STK24: variants seen among roughly 807,000 people sequenced by gnomAD.
STK24 encodes serine/threonine kinase 24, also known as serine/threonine-protein kinase 24.
STK24 carries 21 observed loss-of-function variants against 55.6 expected under a neutral mutation model. The observed-to-expected ratio is 0.38, with a 90% CI of 0.27 to 0.54. The LOEUF is 0.54. Ranked by LOEUF, STK24 falls within the 20% of genes least tolerant of loss-of-function variation. The probability of loss-of-function intolerance (pLI) is 0.79; values close to 1 mark genes in which losing one functional copy is unlikely to be tolerated. For synonymous variants in STK24, 200 were observed against 215.2 expected (o/e 0.93, Z 0.62); for missense variants, 383 against 538.4 (o/e 0.71, Z 2.86).
At chr13:98,511,473 A>T (rs1282874250) in intron 2 of STK24, among the ~76,000 whole-genome samples, 1 of 152,192 alleles carries the variant, frequency 6.6e-6, no homozygotes, top group East Asian at 1.9e-4. Flanking sequence ...AAAATGAAAA[A>T]CTTATGTTCA....
intron 1 of STK24, among the ~76,000 whole-genome samples, chr13:98,572,550 C>T (rs371667530): frequency 2.6e-5 from 4 of 152,306 alleles, no homozygotes. Flanking sequence ...AGTGCACAGG[C>T]TTCCCTAGGG....
At position 98,494,965 on chromosome 13, in the gene STK24, G is replaced by A. The variant is rs7319500; in HGVS notation, c.274-12644C>T. On this transcript the variant is annotated intron_variant, in intron 2 of 10. Coordinates refer to ENST00000539966, the MANE Select transcript of STK24 (RefSeq NM_001032296.4). ...AGAAGGAACCACCACCAACGCCTCGGTGAAGATGACCCTGTGGCAGCACAT... is the reference window on the plus strand; with the variant it reads ...AGAAGGAACCACCACCAACGCCTCGATGAAGATGACCCTGTGGCAGCACAT... 7.4e-3 allele frequency among the ~76,000 whole-genome samples: 1,124 copies of A among 152,322 alleles called. 13 individuals carry two copies. The highest frequency in any genetic ancestry group is 0.025 in the African/African-American group (1,052 of 41,572).
intron 9 of STK24, among the ~76,000 whole-genome samples, chr13:98,457,895 T>C (rs947635597): frequency 1.3e-5 from 2 of 152,244 alleles, no homozygotes; most frequent in African/African-American, 4.8e-5. Flanking sequence ...TCTGTGTGCC[T>C]TTCCCAAGTC....
At chr13:98,543,412 T>C (rs1260730837) in intron 1 of STK24, among the ~76,000 whole-genome samples, 1 of 151,930 alleles carries the variant, frequency 6.6e-6, no homozygotes. Flanking sequence ...TGCCCCAAAT[T>C]CCCGGTCTGC....
chr13:98,496,708 C>A (rs1895264018), intron 2 of STK24, among the ~76,000 whole-genome samples: 1 of 152,252 alleles, frequency 6.6e-6, no homozygotes, highest in Non-Finnish European at 1.5e-5. Context: ...ATGTTGCAGA[C>A]TCTGCTTATT....
In STK24 at chr13:98,446,631, C is replaced by A; in HGVS notation, c.*6542G>T. ...CCAGGCCCAGCAGCAGAAGCTGACC[C>A]CGAAAAGCCACTTTGCTTTGTTTCC... On this transcript the variant is annotated 3_prime_UTR_variant, in exon 11 of 11. Transcript: ENST00000539966. The A allele has an allele frequency of 1.2e-6, 2 of 1,610,232 alleles. No individual in the cohort carries two copies. The highest frequency in any genetic ancestry group is 1.1e-5 in the South Asian group (1 of 90,746).
chr13:98,506,475 C>T lies in STK24; in HGVS notation c.273+12768G>A, dbSNP rs575680188. Among the ~76,000 whole-genome samples the T allele has an allele frequency of 1.8e-3, 279 of 152,316 alleles. 3 individuals carry two copies. Among genetic ancestry groups the T allele is most frequent in the Middle Eastern group, 6.8e-3 (2 of 294 alleles). On this transcript the variant is annotated intron_variant, in intron 2 of 10. Coordinates refer to ENST00000539966, the MANE Select transcript of STK24 (RefSeq NM_001032296.4). ...AAGGTGCAGGACCACAAAACCAAAA[C>T]GAGGCTCCTGGCAGCAGCTGATGCG... is the stretch of plus-strand genomic sequence containing the variant.
chr13:98,555,024 AAAAAAAAAAAG>A (rs897768398), intron 1 of STK24, among the ~76,000 whole-genome samples: 23 of 151,286 alleles, frequency 1.5e-4, no homozygotes, highest in Non-Finnish European at 2.7e-4. Context: ...CAAAAAAAAA[AAAAAAAAAAAG>A]AAAGAAAAAA....
In STK24 at chr13:98,541,923, T is replaced by C. The variant is rs550724102; in HGVS notation, c.43-22450A>G. Among the ~76,000 whole-genome samples the C allele has an allele frequency of 3.3e-5, 5 of 152,334 alleles. No individual in the cohort carries two copies. In the East Asian group the frequency reaches 9.6e-4, roughly 29 times the overall value. ...ACTTTTCCACTCACTACTCCATTACTGCTGCTACAATATTTAGTTGAGAAA... is the reference window on the plus strand; with the variant it reads ...ACTTTTCCACTCACTACTCCATTACCGCTGCTACAATATTTAGTTGAGAAA... On this transcript the variant is annotated intron_variant, in intron 1 of 10. Transcript: ENST00000539966.
chr13:98,496,599 G>C (rs549222792), intron 2 of STK24, among the ~76,000 whole-genome samples: 139 of 152,308 alleles, frequency 9.1e-4, no homozygotes, highest in Non-Finnish European at 1.6e-3. Flanking sequence ...TGTTCTCAAA[G>C]AACACTGTGC....
At chr13:98,539,571 CA>C (rs11286407) in intron 1 of STK24, among the ~76,000 whole-genome samples, 111,226 of 150,838 alleles carry the variant, frequency 0.74, 41,113 homozygotes, top group Non-Finnish European at 0.78. Context: ...CATTTAAAAA[CA>C]AAAAAAAAAG....
At chr13:98,505,355 G>C (rs1178579092) in intron 2 of STK24, among the ~76,000 whole-genome samples, 1 of 152,216 alleles carries the variant, frequency 6.6e-6, no homozygotes, top group East Asian at 1.9e-4. Flanking sequence ...CATCACACTT[G>C]TTGGAAATAT....
At chr13:98,473,796 T>G (rs565470010) in intron 5 of STK24, among the ~76,000 whole-genome samples, 1 of 152,380 alleles carries the variant, frequency 6.6e-6, no homozygotes, top group South Asian at 2.1e-4. Context: ...CAGGTACGCC[T>G]GCAACTTGAG....
chr13:98,573,854 A>ATG lies in STK24; in HGVS notation c.42+2889_42+2890dup, dbSNP rs531857701. ...CTTCCTTGGTCTCCACATCTACAAA[A>ATG]TGGTATAATATCATCTACATCTCAA... On this transcript the variant is annotated intron_variant, in intron 1 of 10. Transcript: ENST00000539966. Among the ~76,000 whole-genome samples, 31 of 152,328 alleles carry ATG rather than the reference A, an allele frequency of 2.0e-4. No individual in the cohort carries two copies. In the South Asian group the frequency reaches 6.4e-3, roughly 32 times the overall value.
At chr13:98,563,034 G>A (rs536677046) in intron 1 of STK24, among the ~76,000 whole-genome samples, 1 of 152,060 alleles carries the variant, frequency 6.6e-6, no homozygotes, top group African/African-American at 2.4e-5. Context: ...AGCTTCTCAA[G>A]CCTTCTCAGG....
chr13:98,527,405 C>T (rs150339876), intron 1 of STK24, among the ~76,000 whole-genome samples: 4 of 152,186 alleles, frequency 2.6e-5, no homozygotes, highest in Admixed American at 6.5e-5. Flanking sequence ...CCAATTAGAG[C>T]GGTGGGAACA....
intron 10 of STK24, chr13:98,455,885 TTATAAA>T (rs1893432998): frequency 6.6e-6 from 1 of 152,298 alleles, no homozygotes; most frequent in Non-Finnish European, 1.5e-5. Flanking sequence ...ATTTGTTTTA[TTATAAA>T]GCTCTTTCTA....
At chr13:98,553,486 C>T (rs760761882) in intron 1 of STK24, 51 of 168,140 alleles carry the variant, frequency 3.0e-4, no homozygotes, top group Non-Finnish European at 6.1e-4. Flanking sequence ...CACCAAGGAA[C>T]GAAAAAGTAG....
At chr13:98,520,231 C>A (rs533715403) in intron 1 of STK24, among the ~76,000 whole-genome samples, 59 of 152,206 alleles carry the variant, frequency 3.9e-4, no homozygotes, top group Admixed American at 8.5e-4. Context: ...ATCCACAGGG[C>A]CTGTTTGTCA....
Sources: allele counts gnomAD v4.1 joint callset (sites outside exome capture counted in the v4.1 genomes callset), GRCh38; gene constraint gnomAD v4.1.1; transcripts MANE v1.5; gene names NCBI Gene and HGNC (gene_info 2026-07-23, HGNC 2026-07-21).